The following CACNB4 variants were observed in gnomAD, a reference collection of about 807,000 sequenced individuals.
CACNB4 encodes voltage-dependent L-type calcium channel subunit beta-4.
A neutral mutation model predicts 71.2 loss-of-function variants in CACNB4; 32 were observed. The ratio of observed to expected loss-of-function variants is 0.45; its 90% CI spans 0.34 to 0.60. The LOEUF is 0.60. CACNB4 is among the 20% of genes least tolerant of loss of function. The pLI, the probability that CACNB4 is intolerant of heterozygous loss-of-function variation, is 0.01. For missense variants in CACNB4, 464 were observed against 647.9 expected, an observed-to-expected ratio of 0.72 and a Z score of 3.08; for synonymous variants, 231 against 236.9, an observed-to-expected ratio of 0.97 and a Z score of 0.23.
At chr2:151,979,278 T>C (rs1379924038) in intron 2 of CACNB4, among the ~76,000 whole-genome samples, 8 of 152,100 alleles carry the variant, frequency 5.3e-5, no homozygotes, top group African/African-American at 1.9e-4. Context: ...ATATATGGAC[T>C]AGCTCCCCTC....
intron 2 of CACNB4, among the ~76,000 whole-genome samples, chr2:152,046,041 T>C (rs893966276): frequency 6.6e-6 from 1 of 152,196 alleles, no homozygotes; most frequent in African/African-American, 2.4e-5. Flanking sequence ...ACAACCTCTA[T>C]TATAATAAGA....
chr2:151,903,763 C>CTCTTGCACAG (rs1263947271), intron 2 of CACNB4, among the ~76,000 whole-genome samples: 1 of 152,208 alleles, frequency 6.6e-6, no homozygotes, highest in African/African-American at 2.4e-5. Context: ...AAGCTCCCTG[C>CTCTTGCACAG]TCTTGCACAG....
chr2:152,068,925 A>C (rs930165050), intron 2 of CACNB4, among the ~76,000 whole-genome samples: 3 of 152,196 alleles, frequency 2.0e-5, no homozygotes, highest in African/African-American at 7.2e-5. Context: ...CCCTCTAGCC[A>C]CTGGCAATAA....
At chr2:152,016,306 A>G (rs942261974) in intron 2 of CACNB4, among the ~76,000 whole-genome samples, 3 of 152,262 alleles carry the variant, frequency 2.0e-5, no homozygotes, top group African/African-American at 7.2e-5. Context: ...TATATGTTCC[A>G]TAACTACAGA....
chr2:152,074,461 T>C (rs1297645960), intron 2 of CACNB4, among the ~76,000 whole-genome samples: 2 of 142,552 alleles, frequency 1.4e-5, no homozygotes, highest in Non-Finnish European at 3.0e-5. Context: ...GCATAATCAC[T>C]ACTATCACTA....
intron 12 of CACNB4, chr2:151,852,784 T>C (rs1353206616): frequency 1.3e-5 from 2 of 152,232 alleles, no homozygotes; most frequent in African/African-American, 4.8e-5. Flanking sequence ...AGGACAGTTA[T>C]TTCCTTTACA....
intron 2 of CACNB4, among the ~76,000 whole-genome samples, chr2:151,960,059 A>G (rs1000808352): frequency 6.6e-6 from 1 of 152,204 alleles, no homozygotes; most frequent in African/African-American, 2.4e-5. Flanking sequence ...TTAGAAATCA[A>G]TTTTAAGTAG....
chr2:151,963,812 A>G (rs1427064632), intron 2 of CACNB4, among the ~76,000 whole-genome samples: 1 of 152,182 alleles, frequency 6.6e-6, no homozygotes, highest in Non-Finnish European at 1.5e-5. Flanking sequence ...TTACGCCTGT[A>G]ATCCCAGCAC....
chr2:152,079,701 G>A (rs996371182), intron 2 of CACNB4, among the ~76,000 whole-genome samples: 7 of 152,100 alleles, frequency 4.6e-5, no homozygotes, highest in African/African-American at 7.2e-5. Context: ...TGGAAGGATC[G>A]CTTGAGCCCA....
chr2:151,870,923 G>C (rs1242233297), intron 6 of CACNB4, 62 bp from the exon 7 acceptor site: 1 of 1,240,410 alleles, frequency 8.1e-7, no homozygotes, highest in Non-Finnish European at 1.2e-6. Context: ...CAGTACATGA[G>C]TTTAAAAGAT....
intron 2 of CACNB4, among the ~76,000 whole-genome samples, chr2:151,976,004 G>A (rs2099873718): frequency 6.6e-6 from 1 of 152,230 alleles, no homozygotes; most frequent in South Asian, 2.1e-4. Context: ...CTGCCGTGGA[G>A]CGCTCCCTAT....
intron 12 of CACNB4, among the ~76,000 whole-genome samples, chr2:151,847,099 CAAAAAAAAAA>C (rs397766580): frequency 2.5e-5 from 2 of 79,780 alleles, no homozygotes; most frequent in East Asian, 3.6e-4. Flanking sequence ...AAACTGACAC[CAAAAAAAAAA>C]AAAAAAAAAA....
At chr2:152,056,835 C>A (rs1685755634) in intron 2 of CACNB4, among the ~76,000 whole-genome samples, 1 of 152,196 alleles carries the variant, frequency 6.6e-6, no homozygotes, top group Admixed American at 6.5e-5. Context: ...TTACCTCCAA[C>A]TTTCTGCCCT....
At chr2:152,054,400 T>C (rs1158183971) in intron 2 of CACNB4, among the ~76,000 whole-genome samples, 1 of 151,120 alleles carries the variant, frequency 6.6e-6, no homozygotes, top group African/African-American at 2.4e-5. Context: ...TAGTATTGTG[T>C]TGAGTGACTG....
intron 2 of CACNB4, among the ~76,000 whole-genome samples, chr2:151,895,096 C>CA (rs1559950684): frequency 0.037 from 835 of 22,298 alleles, 40 homozygotes; most frequent in African/African-American, 0.05. Flanking sequence ...TCAAATAGCC[C>CA]CACACACACA....
intron 5 of CACNB4, among the ~76,000 whole-genome samples, chr2:151,875,371 GAA>G (rs1182236127): frequency 6.7e-6 from 1 of 150,326 alleles, no homozygotes; most frequent in Admixed American, 6.6e-5. Context: ...AGAACAAAAT[GAA>G]AAGTCTCCCA....
At chr2:152,029,699 C>T (rs770490621) in intron 2 of CACNB4, among the ~76,000 whole-genome samples, 10 of 151,844 alleles carry the variant, frequency 6.6e-5, no homozygotes, top group Non-Finnish European at 1.2e-4. Flanking sequence ...GGAGGTGGGG[C>T]CTTTAGGAGG....
At chr2:151,957,027 C>T (rs192290503) in intron 2 of CACNB4, among the ~76,000 whole-genome samples, 26 of 152,110 alleles carry the variant, frequency 1.7e-4, no homozygotes, top group African/African-American at 5.3e-4. Flanking sequence ...GTGATGCATG[C>T]TTGTAATCCC....
intron 2 of CACNB4, among the ~76,000 whole-genome samples, chr2:152,096,478 C>T (rs1290999569): frequency 3.3e-5 from 5 of 151,424 alleles, no homozygotes; most frequent in African/African-American, 7.3e-5. Context: ...AGCAAGACTC[C>T]GTCTGAAAAA....
Sources: allele counts gnomAD v4.1 joint callset (sites outside exome capture counted in the v4.1 genomes callset), GRCh38; gene constraint gnomAD v4.1.1; transcripts MANE v1.5; gene names NCBI Gene and HGNC (gene_info 2026-07-23, HGNC 2026-07-21).